Variants in R3HDM4 observed in about 807,000 individuals in gnomAD.
R3HDM4 encodes R3H domain-containing protein 4.
In R3HDM4, 30 loss-of-function variants were observed where a neutral mutation model predicts 31.3. The observed-to-expected ratio is 0.96, with a 90% CI of 0.72 to 1.30. The LOEUF (loss-of-function observed/expected upper bound fraction) is 1.30, where lower values mean the gene tolerates loss of function less well. Among genes scored for constraint, R3HDM4 ranks in the 50% most tolerant of loss-of-function variants. R3HDM4 has a pLI of 0.00. For synonymous variants in R3HDM4, 196 were observed against 156.6 expected (o/e 1.25, Z -1.88); for missense variants, 444 against 366.1 (o/e 1.21, Z -1.74).
intron 1 of R3HDM4, among the ~76,000 whole-genome samples, chr19:911,056 G>A (rs558772799): frequency 1.6e-4 from 25 of 152,140 alleles, no homozygotes; most frequent in African/African-American, 6.0e-4. Flanking sequence ...AGGAGGCGGA[G>A]CTTGCAGTGA....
At chr19:909,861 T>G (rs528803416) in intron 1 of R3HDM4, among the ~76,000 whole-genome samples, 1 of 151,958 alleles carries the variant, frequency 6.6e-6, no homozygotes, top group African/African-American at 2.4e-5. Context: ...TGAGGGTAAA[T>G]GCCCACACCA....
In R3HDM4 at chr19:899,820, T is replaced by G. The variant is rs2036801768; in HGVS notation, c.562-134A>C. 9.2e-5 allele frequency: 73 copies of G among 795,334 alleles called. 2 individuals are homozygous for G. In the South Asian group the frequency reaches 1.3e-3, roughly 14 times the overall value. The allele number at this position is 795,334 out of a possible 1,614,324, so 49.3% of individuals were successfully genotyped here. Reference sequence around the variant, plus strand: ...GACCCACCACGTGAGGCTGCTTAAGTGTCTCTGAGGCCACCATGCCACCTC... The same window carrying G: ...GACCCACCACGTGAGGCTGCTTAAGGGTCTCTGAGGCCACCATGCCACCTC... On this transcript the variant is annotated intron_variant, in intron 5 of 7. Coordinates refer to ENST00000361574, the MANE Select transcript of R3HDM4 (RefSeq NM_138774.4). The surrounding 1 kb of genome is among the most constrained non-coding windows in gnomAD (Gnocchi z 6.8).
rs764082012 is a variant in R3HDM4 at position 913,054 on chromosome 19, G to A, written c.71+33C>T. The A allele has an allele frequency of 1.3e-5, 10 of 789,596 alleles. No homozygotes were observed. Among genetic ancestry groups the A allele is most frequent in the Non-Finnish European group, 1.6e-5 (10 of 641,590 alleles). The allele number at this position is 789,596 out of a possible 1,614,324, so 48.9% of individuals were successfully genotyped here. On this transcript the variant is annotated intron_variant, in intron 1 of 7. Coordinates refer to ENST00000361574, the MANE Select transcript of R3HDM4 (RefSeq NM_138774.4). The surrounding 1 kb of genome is among the most constrained non-coding windows in gnomAD (Gnocchi z 5.0). ...AGGGGAGGGAGCCCAGCCCGCCCCC[G>A]GCGCCCGCCGCGCCCCGCCCGCCCG...
rs1247845831 is a variant in R3HDM4, at chr19:913,033, G to A, written c.71+54C>T. The A allele has an allele frequency of 2.8e-6, 2 of 711,782 alleles. No individual in the cohort carries two copies. Among genetic ancestry groups the A allele is most frequent in the African/African-American group, 1.9e-5 (1 of 51,396 alleles). 44.1% of individuals were successfully genotyped at this position (711,782 alleles called of 1,614,324 possible). A position where few individuals can be genotyped will look rare whatever the true frequency, so the allele number is the denominator to read the frequency against. On this transcript the variant is annotated intron_variant, in intron 1 of 7. Coordinates refer to ENST00000361574, the MANE Select transcript of R3HDM4 (RefSeq NM_138774.4). The surrounding 1 kb of genome is among the most constrained non-coding windows in gnomAD (Gnocchi z 5.0). Reference sequence around the variant, plus strand: ...GGGAGGCGGGGAGAGGATCTCAGGGGAGGGAGCCCAGCCCGCCCCCGGCGC... The same window carrying A: ...GGGAGGCGGGGAGAGGATCTCAGGGAAGGGAGCCCAGCCCGCCCCCGGCGC...
chr19:912,785 G>A (rs984874353), intron 1 of R3HDM4, among the ~76,000 whole-genome samples: 1 of 150,348 alleles, frequency 6.7e-6, no homozygotes, highest in Non-Finnish European at 1.5e-5. Flanking sequence ...GGGAGTAGGG[G>A]GCGGAACAGG....
chr19:911,617 A>G (rs2036972087), intron 1 of R3HDM4, among the ~76,000 whole-genome samples: 1 of 152,242 alleles, frequency 6.6e-6, no homozygotes, highest in Non-Finnish European at 1.5e-5. Flanking sequence ...GAGGCATGGA[A>G]GCATGAAATA....
intron 1 of R3HDM4, among the ~76,000 whole-genome samples, chr19:911,902 AG>A (rs1208831678): frequency 6.6e-6 from 1 of 151,718 alleles, no homozygotes; most frequent in Non-Finnish European, 1.5e-5. Context: ...CCGGAAAGGC[AG>A]GGGGCGCGGA....
rs867196066 is a variant in R3HDM4, at chr19:899,306, G to A, written c.703+134C>T. On this transcript the variant is annotated intron_variant, in intron 7 of 7. Coordinates refer to ENST00000361574, the MANE Select transcript of R3HDM4 (RefSeq NM_138774.4). This position sits in a 1 kb window ranked among gnomAD's most constrained non-coding sequence, Gnocchi z 6.8. ...GGGTCCCACTGCCACCCCTGAGTTC[G>A]TAGCGTCCCCACTCCAGCCCCCTTC... is the stretch of plus-strand genomic sequence containing the variant. 38 of 882,602 alleles carry A rather than the reference G, an allele frequency of 4.3e-5. No homozygotes were observed. In the Middle Eastern group the frequency reaches 1.3e-3, roughly 30 times the overall value. The allele number at this position is 882,602 out of a possible 1,614,324, so 54.7% of individuals were successfully genotyped here. A position where few individuals can be genotyped will look rare whatever the true frequency, so the allele number is the denominator to read the frequency against.
Position 899,473 on chromosome 19 carries a change from C to A in R3HDM4, c.670G>T (p.Ala224Ser), listed in dbSNP as rs753960619. 9 of 1,613,664 alleles carry A rather than the reference C, an allele frequency of 5.6e-6. No individual in the cohort carries two copies. Among genetic ancestry groups the A allele is most frequent in the East Asian group, 2.2e-5 (1 of 44,882 alleles). The change falls in exon 7 of 8, where the codon GCT becomes TCT. Residue 224 changes from alanine to serine, a missense_variant. Transcript: ENST00000361574. This position sits in a 1 kb window ranked among gnomAD's most constrained non-coding sequence, Gnocchi z 6.8. ...ATGAGGTCCATGTACTGGCAGACAG[C>A]GTGCAGCAGAAGCCTCTCGAAGCTG... ...DNSFERLLLH[A>S]VCQYMDLISA...
intron 2 of R3HDM4, 154 bp downstream of exon 2, chr19:901,820 CTA>C: frequency 2.7e-6 from 2 of 728,138 alleles, no homozygotes; most frequent in Non-Finnish European, 4.2e-6. Flanking sequence ...GTGTCTGGCT[CTA>C]TTTATATGGT....
intron 3 of R3HDM4, 168 bp from the exon 4 acceptor site, chr19:901,120 A>G (rs1188892507): frequency 8.8e-6 from 8 of 913,116 alleles, no homozygotes; most frequent in Non-Finnish European, 1.3e-5. Flanking sequence ...GAGCGCAGGG[A>G]AGCGGGGAAC....
chr19:911,683 G>A (rs906835659), intron 1 of R3HDM4, among the ~76,000 whole-genome samples: 9 of 152,236 alleles, frequency 5.9e-5, no homozygotes, highest in Admixed American at 5.2e-4. Flanking sequence ...AACACGCGCC[G>A]CCTCCTCGCC....
chr19:899,532 G>A lies in R3HDM4; in HGVS notation c.648-37C>T, dbSNP rs1401408644. ...GGGCAGTGAGCGCCGTGCAGGGGCT[G>A]CAGCGTGGGGTGTCCGCCCACCTGG... On this transcript the variant is annotated intron_variant, in intron 6 of 7. Transcript: ENST00000361574. This position sits in a 1 kb window ranked among gnomAD's most constrained non-coding sequence, Gnocchi z 6.8. 4 of 1,612,834 alleles carry A rather than the reference G, an allele frequency of 2.5e-6. No homozygotes were observed. The highest frequency in any genetic ancestry group is 2.2e-5 in the East Asian group (1 of 44,884).
At chr19:911,453 A>C (rs1982772) in intron 1 of R3HDM4, among the ~76,000 whole-genome samples, 21,277 of 152,300 alleles carry the variant, frequency 0.14, 1,588 homozygotes, top group Middle Eastern at 0.26. Flanking sequence ...CAAAATATTA[A>C]TACTACTAAA....
intron 2 of R3HDM4, 73 bp downstream of exon 2, chr19:901,903 A>G: frequency 6.4e-7 from 1 of 1,567,766 alleles, no homozygotes; most frequent in South Asian, 1.1e-5. Flanking sequence ...GAGGGGTAAC[A>G]GATAACACCA....
At chr19:902,232 G>T (rs2145290127) in intron 1 of R3HDM4, 102 bp from the exon 2 acceptor site, 1 of 1,333,214 alleles carries the variant, frequency 7.5e-7, no homozygotes, top group East Asian at 2.3e-5. Flanking sequence ...CCCAGCAATG[G>T]AGAGCTCACC....
At chr19:905,505 CAAA>C (rs71335321) in intron 1 of R3HDM4, among the ~76,000 whole-genome samples, 4 of 101,068 alleles carry the variant, frequency 4.0e-5, no homozygotes, top group Non-Finnish European at 7.6e-5. Context: ...AACTCTGTCT[CAAA>C]AAAAAAAAAA....
rs752179633 is a variant in R3HDM4, at chr19:899,681, C to T, written c.567G>A (p.Thr189=). 4 of 1,590,238 alleles carry T rather than the reference C, an allele frequency of 2.5e-6. No homozygotes were observed. Among genetic ancestry groups the T allele is most frequent in the Middle Eastern group, 1.7e-4 (1 of 5,848 alleles). The change falls in exon 6 of 8, where the codon ACG becomes ACA. Residue 189 remains threonine (T), a synonymous_variant. Coordinates refer to ENST00000361574, the MANE Select transcript of R3HDM4 (RefSeq NM_138774.4). This position sits in a 1 kb window ranked among gnomAD's most constrained non-coding sequence, Gnocchi z 6.8. ...GCAGCCGCTCCTCCCAGGTCTCCAG[C>T]GTTTCCTGGGGAGAGCGGCCCGGTG... ...VLKRSRIPME[T]LETWEERLLR...
At position 899,529 on chromosome 19, in the gene R3HDM4, G is replaced by A. The variant is rs771211914; in HGVS notation, c.648-34C>T. On this transcript the variant is annotated intron_variant, in intron 6 of 7. Transcript: ENST00000361574. The surrounding 1 kb of genome is among the most constrained non-coding windows in gnomAD (Gnocchi z 6.8). Reference sequence around the variant, plus strand: ...AACGGGCAGTGAGCGCCGTGCAGGGGCTGCAGCGTGGGGTGTCCGCCCACC... The same window carrying A: ...AACGGGCAGTGAGCGCCGTGCAGGGACTGCAGCGTGGGGTGTCCGCCCACC... The A allele has an allele frequency of 2.5e-6, 4 of 1,613,166 alleles. No individual in the cohort carries two copies. The highest frequency in any genetic ancestry group is 3.4e-6 in the Non-Finnish European group (4 of 1,179,650).
Sources: gnomAD v4.1 joint callset for allele counts (sites outside exome capture counted in the v4.1 genomes callset) on GRCh38, gnomAD v4.1.1 for gene constraint, Gnocchi (gnomAD v3.1) non-coding constraint, MANE v1.5 for transcripts, NCBI Gene and HGNC (gene_info 2026-07-23, HGNC 2026-07-21) for gene names.